PPARGC1B: variants seen among roughly 807,000 people sequenced by gnomAD.
The protein encoded by PPARGC1B is PPARG coactivator 1 beta, also known as peroxisome proliferator-activated receptor gamma coactivator 1-beta.
In PPARGC1B, 34 loss-of-function variants were observed where a neutral mutation model predicts 101.6. That is an observed-to-expected ratio of 0.33 (90% CI 0.25 to 0.45). PPARGC1B has a LOEUF of 0.45. Among genes scored for constraint, PPARGC1B ranks in the 20% least tolerant of loss-of-function variants. The pLI is 1.00. For missense variants in PPARGC1B, 1,234 were observed against 1,317.6 expected, an observed-to-expected ratio of 0.94 and a Z score of 0.98; for synonymous variants, 548 against 539.3, an observed-to-expected ratio of 1.02 and a Z score of -0.22.
In PPARGC1B at chr5:149,845,208, G is replaced by A. The variant is rs1707710779; in HGVS notation, c.2817-552G>A. 2.0e-5 allele frequency among the ~76,000 whole-genome samples: 3 copies of A among 152,172 alleles called. No homozygotes were observed. In the South Asian group the frequency reaches 6.2e-4, roughly 32 times the overall value. ...CATGAAGGGCAAGATGCGTGCAGAA[G>A]ACCAGCCCTACTAGGGGAGGTGAAG... is the stretch of plus-strand genomic sequence containing the variant. On this transcript the variant is annotated intron_variant, in intron 10 of 11. Transcript: ENST00000309241.
At chr5:149,834,775 G>A (rs1408825934) in intron 6 of PPARGC1B, 65 bp downstream of exon 6, 5 of 1,443,110 alleles carry the variant, frequency 3.5e-6, no homozygotes, top group Non-Finnish European at 3.9e-6. Context: ...TGTGTGTGTT[G>A]GTGGTGATGG....
At chr5:149,856,868 T>G (rs557931623), downstream of PPARGC1B, among the ~76,000 whole-genome samples, 35 of 151,766 alleles carry the variant, frequency 2.3e-4, no homozygotes, top group African/African-American at 8.2e-4. Flanking sequence ...CCTCCTGGAT[T>G]CAAATGATTC....
chr5:149,734,296 T>C (rs1245211815), intron 1 of PPARGC1B, among the ~76,000 whole-genome samples: 1 of 114,984 alleles, frequency 8.7e-6, no homozygotes, highest in Non-Finnish European at 1.6e-5. Flanking sequence ...CACTCTAGCC[T>C]GGACAAAAGA....
At chr5:149,827,018 C>A in intron 3 of PPARGC1B, 133 bp downstream of exon 3, 2 of 739,926 alleles carry the variant, frequency 2.7e-6, no homozygotes, top group Admixed American at 2.8e-5. Flanking sequence ...TTGATCACAG[C>A]AGAGAGCGTG....
chr5:149,794,438 ACT>A (rs10557186), intron 1 of PPARGC1B, among the ~76,000 whole-genome samples: 17,865 of 151,942 alleles, frequency 0.12, 1,157 homozygotes, highest in East Asian at 0.25. Context: ...AGCAGAGCTC[ACT>A]CTCAGAGAAC....
At chr5:149,766,250 G>T (rs1250180918) in intron 1 of PPARGC1B, among the ~76,000 whole-genome samples, 1 of 152,138 alleles carries the variant, frequency 6.6e-6, no homozygotes, top group African/African-American at 2.4e-5. Context: ...TAGGCAACAA[G>T]GTAACCAGGA....
chr5:149,756,486 C>T (rs1181040155), intron 1 of PPARGC1B, among the ~76,000 whole-genome samples: 5 of 152,102 alleles, frequency 3.3e-5, no homozygotes, highest in African/African-American at 1.2e-4. Context: ...ACCAAAACAA[C>T]AAGCAAACAA....
intron 1 of PPARGC1B, among the ~76,000 whole-genome samples, chr5:149,781,297 T>C (rs899035159): frequency 6.6e-6 from 1 of 152,012 alleles, no homozygotes; most frequent in African/African-American, 2.4e-5. Context: ...ATGGGAGATA[T>C]GAGAGGGCAG....
At chr5:149,825,193 G>A in intron 2 of PPARGC1B, among the ~76,000 whole-genome samples, 1 of 152,234 alleles carries the variant, frequency 6.6e-6, no homozygotes, top group East Asian at 1.9e-4. Flanking sequence ...TGGGCTGGGG[G>A]AACACACGCC....
At chr5:149,816,055 C>T (rs1189320678) in intron 1 of PPARGC1B, among the ~76,000 whole-genome samples, 1 of 152,170 alleles carries the variant, frequency 6.6e-6, no homozygotes, top group Non-Finnish European at 1.5e-5. Flanking sequence ...CGGGACAGGA[C>T]AAGAAGGCCT....
At chr5:149,732,699 A>G (rs1322016708) in intron 1 of PPARGC1B, 2 of 427,510 alleles carry the variant, frequency 4.7e-6, no homozygotes, top group African/African-American at 4.2e-5. Flanking sequence ...AGGCTCGGAG[A>G]GCCCAGCCGG....
At chr5:149,827,503 A>G (rs1758578261) in intron 3 of PPARGC1B, among the ~76,000 whole-genome samples, 1 of 152,082 alleles carries the variant, frequency 6.6e-6, no homozygotes. Flanking sequence ...CCTGTTGGGT[A>G]TTTGTGTTGT....
chr5:149,771,168 C>T (rs1041435270), intron 1 of PPARGC1B, among the ~76,000 whole-genome samples: 2 of 152,224 alleles, frequency 1.3e-5, no homozygotes, highest in Non-Finnish European at 2.9e-5. Context: ...CAGGCGGATG[C>T]TGCACCTGCA....
At chr5:149,802,367 C>T (rs1453309227) in intron 1 of PPARGC1B, among the ~76,000 whole-genome samples, 9 of 152,126 alleles carry the variant, frequency 5.9e-5, no homozygotes, top group Non-Finnish European at 1.2e-4. Context: ...TGTTGCCTGC[C>T]TCCCGGGATT....
chr5:149,784,827 A>C (rs934139853), intron 1 of PPARGC1B, among the ~76,000 whole-genome samples: 32 of 152,034 alleles, frequency 2.1e-4, no homozygotes, highest in Admixed American at 3.3e-4. Flanking sequence ...TTGGCCTCCC[A>C]AAGTGCTGGG....
intron 2 of PPARGC1B, among the ~76,000 whole-genome samples, chr5:149,824,536 G>A (rs1758429081): frequency 6.6e-6 from 1 of 152,168 alleles, no homozygotes; most frequent in African/African-American, 2.4e-5. Flanking sequence ...CCATTTCACA[G>A]GGAAAGGAGC....
At position 149,833,361 on chromosome 5, in the gene PPARGC1B, G is replaced by C. The variant is rs938838497; in HGVS notation, c.1288G>C (p.Glu430Gln). The change falls in exon 5 of 12, where the codon GAG becomes CAG. Residue 430 changes from glutamate (E) to glutamine (Q), a missense_variant. Coordinates refer to ENST00000309241, the MANE Select transcript of PPARGC1B (RefSeq NM_133263.4). The surrounding 1 kb of genome is among the most constrained non-coding windows in gnomAD (Gnocchi z 4.1). ...CCGGCCTGCCAGACTGCAGCAGCAG[G>C]AGGAGGAAGACGAGGAAGAAGAGGA... ...VRRPARLQQQ[E>Q]EEDEEEEEEE... 6.2e-7 allele frequency: 1 copy of C among 1,613,542 alleles called. No individual in the cohort carries two copies. The highest frequency in any genetic ancestry group is 8.5e-7 in the Non-Finnish European group (1 of 1,180,012).
At chr5:149,777,423 C>G (rs1405951627) in intron 1 of PPARGC1B, among the ~76,000 whole-genome samples, 2 of 152,064 alleles carry the variant, frequency 1.3e-5, no homozygotes, top group Non-Finnish European at 2.9e-5. Context: ...GCCACCACCC[C>G]CTGGGCCATT....
chr5:149,800,910 C>T (rs1301588097), intron 1 of PPARGC1B, among the ~76,000 whole-genome samples: 3 of 152,238 alleles, frequency 2.0e-5, no homozygotes, highest in Admixed American at 6.5e-5. Context: ...GCTGAGGCGG[C>T]GGCACACGCC....
Sources: allele counts gnomAD v4.1 joint callset (sites outside exome capture counted in the v4.1 genomes callset), GRCh38; gene constraint gnomAD v4.1.1; non-coding constraint Gnocchi (gnomAD v3.1); transcripts MANE v1.5; gene names NCBI Gene and HGNC (gene_info 2026-07-23, HGNC 2026-07-21).